Variants in ETV3 observed in about 807,000 individuals in gnomAD.
ETV3 encodes the protein ETS variant transcription factor 3, also known as ETS translocation variant 3.
ETV3 carries 8 observed loss-of-function variants against 33.0 expected under a neutral mutation model. That is an observed-to-expected ratio of 0.24 (90% CI 0.14 to 0.44). The LOEUF (loss-of-function observed/expected upper bound fraction) is 0.44. Ranked by LOEUF, ETV3 falls within the 20% of genes least tolerant of loss-of-function variation. ETV3 has a pLI of 1.00. For synonymous variants in ETV3, 222 were observed against 238.9 expected, an observed-to-expected ratio of 0.93 and a Z score of 0.65; for missense variants, 473 against 652.3, an observed-to-expected ratio of 0.73 and a Z score of 2.99.
chr1:157,124,724 A>T lies in ETV3; in HGVS notation c.*117T>A, dbSNP rs1215555787. On this transcript the variant is annotated 3_prime_UTR_variant, in exon 5 of 5. Transcript: ENST00000368192. The stretch of plus-strand genomic sequence containing the variant: ...CCCCAAAACATAAAAATACAAGTCT[A>T]TGCCCCTAGAATGATCAAACCAGTT... The T allele has an allele frequency of 5.7e-6, 6 of 1,044,706 alleles. No homozygotes were observed. The highest frequency in any genetic ancestry group is 8.0e-6 in the Non-Finnish European group (6 of 746,442). The allele number at this position is 1,044,706 out of a possible 1,614,324, so 64.7% of individuals were successfully genotyped here.
intron 4 of ETV3, among the ~76,000 whole-genome samples, chr1:157,129,392 A>G (rs1025555027): frequency 1.3e-5 from 2 of 152,256 alleles, no homozygotes; most frequent in Admixed American, 1.3e-4. Context: ...GCCTCTAAAC[A>G]GCCATTCAGA....
chr1:157,133,574 C>T (rs957530083), intron 4 of ETV3: 6 of 986,530 alleles, frequency 6.1e-6, no homozygotes, highest in Admixed American at 1.2e-4. Context: ...GGTCAAGTAA[C>T]CCCAGAATCT....
At chr1:157,132,661 G>T (rs998842) in intron 4 of ETV3, among the ~76,000 whole-genome samples, 66,470 of 151,846 alleles carry the variant, frequency 0.44, 16,977 homozygotes, top group East Asian at 0.78. Context: ...TTTGAGTGGC[G>T]AGTACAGGTC....
At chr1:157,136,201 G>C (rs553651387) in intron 2 of ETV3, 106 bp downstream of exon 2, 61 of 1,073,240 alleles carry the variant, frequency 5.7e-5, no homozygotes, top group Non-Finnish European at 8.8e-5. Context: ...CTAGCCAAGA[G>C]AGTGTCAGTC....
intron 2 of ETV3, 84 bp downstream of exon 2, chr1:157,136,222 AT>A: frequency 7.6e-7 from 1 of 1,314,814 alleles, no homozygotes. Context: ...ATGGTCTGAC[AT>A]TTGTGAACAG....
intron 1 of ETV3, among the ~76,000 whole-genome samples, chr1:157,137,026 T>G (rs1675129039): frequency 6.6e-6 from 1 of 152,030 alleles, no homozygotes; most frequent in Admixed American, 6.5e-5. Flanking sequence ...TTGAGAAAAA[T>G]TATACATTTT....
At chr1:157,128,475 TG>T (rs1674893699) in intron 4 of ETV3, 9 of 309,698 alleles carry the variant, frequency 2.9e-5, no homozygotes, top group Middle Eastern at 5.8e-4. Context: ...TCTCTTTGGG[TG>T]GAAGACAGGT....
At chr1:157,127,195 AAAAACTCAAAGAT>A (rs1403385422) in intron 4 of ETV3, among the ~76,000 whole-genome samples, 56 of 152,396 alleles carry the variant, frequency 3.7e-4, no homozygotes, top group Non-Finnish European at 5.6e-4. Context: ...GTAATGCATT[AAAAACTCAAAGAT>A]AAAACTCAAA....
chr1:157,121,770 C>G lies in ETV3; in HGVS notation c.*3071G>C, dbSNP rs1464796964. ...CTTGGTGAGAAGTGATATACTTCAA[C>G]TATTTTTTTAATGCTTCTGAAAGTT... is the stretch of plus-strand genomic sequence containing the variant. On this transcript the variant is annotated 3_prime_UTR_variant, in exon 5 of 5. Coordinates refer to ENST00000368192, the MANE Select transcript of ETV3 (RefSeq NM_001145312.3). The G allele has an allele frequency of 6.6e-6, 1 of 152,200 alleles. No homozygotes were observed. The highest frequency in any genetic ancestry group is 2.4e-5 in the African/African-American group (1 of 41,458). 9.4% of individuals were successfully genotyped at this position (152,200 alleles called of 1,614,324 possible).
chr1:157,135,303 C>G, intron 3 of ETV3, 168 bp downstream of exon 3: 1 of 782,826 alleles, frequency 1.3e-6, no homozygotes, highest in Non-Finnish European at 2.0e-6. Context: ...CCTCCTGTGC[C>G]TATGCTACTC....
intron 4 of ETV3, among the ~76,000 whole-genome samples, chr1:157,132,450 A>G (rs1284052512): frequency 2.6e-5 from 4 of 152,210 alleles, no homozygotes; most frequent in Non-Finnish European, 5.9e-5. Flanking sequence ...AGGTTGTCCA[A>G]GTGGCTGAAG....
intron 3 of ETV3, among the ~76,000 whole-genome samples, chr1:157,134,558 T>C (rs967030133): frequency 2.6e-5 from 4 of 152,246 alleles, no homozygotes; most frequent in African/African-American, 9.6e-5. Flanking sequence ...TTGCACTGCA[T>C]GTCACTAACT....
rs914646002 is a variant in ETV3 at position 157,122,383 on chromosome 1, A to C, written c.*2458T>G. On this transcript the variant is annotated 3_prime_UTR_variant, in exon 5 of 5. Transcript: ENST00000368192. ...CCCAGAGTGCAGTGCAAATCAACCA[A>C]CAATTTACTGGTGGAATGGCAATCA... The C allele has an allele frequency of 6.6e-6, 1 of 152,124 alleles. No homozygotes were observed. Among genetic ancestry groups the C allele is most frequent in the Non-Finnish European group, 1.5e-5 (1 of 68,010 alleles). 9.4% of individuals were successfully genotyped at this position (152,124 alleles called of 1,614,324 possible).
intron 4 of ETV3, chr1:157,133,054 A>G (rs1235492522): frequency 3.9e-5 from 6 of 152,256 alleles, no homozygotes; most frequent in African/African-American, 9.6e-5. Flanking sequence ...AATACAATCT[A>G]CAGTAGTCCT....
At chr1:157,133,385 T>A in intron 4 of ETV3, 1 of 985,376 alleles carries the variant, frequency 1.0e-6, no homozygotes, top group South Asian at 4.7e-5. Context: ...AACTACTGTA[T>A]TTTCTTGGGC....
chr1:157,137,578 C>G (rs1280726699), intron 1 of ETV3, among the ~76,000 whole-genome samples: 1 of 150,936 alleles, frequency 6.6e-6, no homozygotes, highest in Admixed American at 6.6e-5. Context: ...AACGAGGCAC[C>G]GGGGCTGAGG....
intron 4 of ETV3, among the ~76,000 whole-genome samples, chr1:157,126,497 A>G (rs977204092): frequency 6.6e-6 from 1 of 152,238 alleles, no homozygotes; most frequent in African/African-American, 2.4e-5. Context: ...GTAGAGGTTT[A>G]CTGAAATATA....
chr1:157,125,357 C>T lies in ETV3; in HGVS notation c.1023G>A (p.Gln341=), dbSNP rs1364784802. The change falls in exon 5 of 5, where the codon CAG becomes CAA. Residue 341 remains glutamine (Q), a synonymous_variant. Transcript: ENST00000368192. The surrounding 1 kb of genome is among the most constrained non-coding windows in gnomAD (Gnocchi z 4.0). ...GTGGGGGCTGCAGCTTGATGGAGAA[C>T]TGAGTTGACTCCTCAGGATGCATTT... ...QCQMHPEEST[Q]FSIKLQPPPV... 1.3e-6 allele frequency: 2 copies of T among 1,551,972 alleles called. No individual in the cohort carries two copies. Among genetic ancestry groups the T allele is most frequent in the Non-Finnish European group, 1.7e-6 (2 of 1,147,054 alleles).
chr1:157,123,448 A>G lies in ETV3; in HGVS notation c.*1393T>C, dbSNP rs1372477458. 6.6e-6 allele frequency: 1 copy of G among 152,288 alleles called. No homozygotes were observed. Among genetic ancestry groups the G allele is most frequent in the Non-Finnish European group, 1.5e-5 (1 of 68,060 alleles). 9.4% of individuals were successfully genotyped at this position (152,288 alleles called of 1,614,324 possible). ...GGATAGTCAATTGAACATGAGAATC[A>G]GAACAATCTGGGCAAATGGGTATGG... On this transcript the variant is annotated 3_prime_UTR_variant, in exon 5 of 5. Transcript: ENST00000368192.
Sources: gnomAD v4.1 joint callset for allele counts (sites outside exome capture counted in the v4.1 genomes callset) on GRCh38, gnomAD v4.1.1 for gene constraint, Gnocchi (gnomAD v3.1) non-coding constraint, MANE v1.5 for transcripts, NCBI Gene and HGNC (gene_info 2026-07-23, HGNC 2026-07-21) for gene names.